PDK3: variants seen among roughly 807,000 people sequenced by gnomAD.
PDK3 encodes pyruvate dehydrogenase kinase, isozyme 3.
A neutral mutation model predicts 32.0 loss-of-function variants in PDK3; 12 were observed. That is an observed-to-expected ratio of 0.37 (90% CI 0.24 to 0.61). The LOEUF (loss-of-function observed/expected upper bound fraction) is 0.61, where lower values mean the gene tolerates loss of function less well. Ranked by LOEUF, PDK3 falls within the 20% of genes least tolerant of loss-of-function variation. PDK3 has a pLI of 0.65. For synonymous variants in PDK3, 122 were observed against 116.3 expected, an observed-to-expected ratio of 1.05 and a Z score of -0.31; for missense variants, 188 against 316.9, an observed-to-expected ratio of 0.59 and a Z score of 3.09.
At chrX:24,503,790 C>T (rs1602114779) in intron 4 of PDK3, among the ~76,000 whole-genome samples, 1 of 112,368 alleles carries the variant, frequency 8.9e-6, no homozygotes, top group Non-Finnish European at 1.9e-5. Context: ...GATGAGGGAC[C>T]GCCTTTAATG....
intron 2 of PDK3, among the ~76,000 whole-genome samples, chrX:24,496,970 C>T (rs902817723): frequency 1.9e-5 from 2 of 106,959 alleles, no homozygotes; most frequent in African/African-American, 3.4e-5. Flanking sequence ...TTAGTAAAGA[C>T]GGGGTTTCAC....
intron 6 of PDK3, among the ~76,000 whole-genome samples, chrX:24,520,166 C>A (rs1216803312): frequency 8.9e-6 from 1 of 111,817 alleles, no homozygotes; most frequent in Non-Finnish European, 1.9e-5. Flanking sequence ...GCACTCCACC[C>A]TGGGCAATAG....
intron 7 of PDK3, 106 bp downstream of exon 7, chrX:24,526,380 C>T: frequency 8.2e-6 from 4 of 484,930 alleles, no homozygotes; most frequent in Non-Finnish European, 1.4e-5. Flanking sequence ...TTTTGCATAA[C>T]CATTTTAAAA....
chrX:24,501,410 A>G (rs1921852949), intron 3 of PDK3, among the ~76,000 whole-genome samples: 1 of 112,940 alleles, frequency 8.9e-6, no homozygotes, highest in Non-Finnish European at 1.9e-5. Flanking sequence ...GCTTTAAAGA[A>G]CAGCTTTTAA....
chrX:24,539,199 G>A, downstream of PDK3: 1 of 1,014,931 alleles, frequency 9.9e-7, no homozygotes, highest in South Asian at 2.1e-5. Context: ...TGTGAAGAAA[G>A]ATTGCCTTCT....
In PDK3 at chrX:24,513,555, G is replaced by C. The variant is rs1602119593; in HGVS notation, c.596-5378G>C. On this transcript the variant is annotated intron_variant, in intron 5 of 10. Coordinates refer to ENST00000379162, the MANE Select transcript of PDK3 (RefSeq NM_005391.5). Reference sequence around the variant, plus strand: ...TATGCTGATAGAGGGCCGTGTCATTGGTTTTGACGAGTCTGTGAACCTCAT... The same window carrying C: ...TATGCTGATAGAGGGCCGTGTCATTCGTTTTGACGAGTCTGTGAACCTCAT... 3 of 132,947 alleles carry C rather than the reference G, an allele frequency of 2.3e-5. No homozygotes were observed. The East Asian group carries it at 5.7e-4, about 25-fold the overall frequency. 11.0% of individuals were successfully genotyped at this position (132,947 alleles called of 1,213,427 possible). A position where few individuals can be genotyped will look rare whatever the true frequency, so the allele number is the denominator to read the frequency against.
intron 1 of PDK3, among the ~76,000 whole-genome samples, chrX:24,492,900 C>T (rs970427393): frequency 2.8e-5 from 3 of 106,300 alleles, no homozygotes; most frequent in African/African-American, 1.0e-4. Context: ...CTTGGGAGGC[C>T]GAGGCAGGAG....
intron 1 of PDK3, among the ~76,000 whole-genome samples, chrX:24,474,106 C>CCGGA (rs1032249877): frequency 9.0e-6 from 1 of 111,432 alleles, no homozygotes; most frequent in Non-Finnish European, 1.9e-5. Context: ...TGCAGACTGA[C>CCGGA]GTCCCATTTG....
exon 12 of PDK3, chrX:24,548,227 A>G (rs779216883): frequency 8.9e-5 from 10 of 112,266 alleles, no homozygotes; most frequent in Non-Finnish European, 1.9e-4. Flanking sequence ...TCTTTTCATG[A>G]TAAATGACAT....
chrX:24,467,618 G>A (rs1368173756), intron 1 of PDK3, among the ~76,000 whole-genome samples: 1 of 112,255 alleles, frequency 8.9e-6, no homozygotes, highest in African/African-American at 3.2e-5. Context: ...ACTAAAAGAC[G>A]GGAGTTGTTG....
Position 24,505,254 on chromosome X carries a change from T to C in PDK3, c.551T>C (p.Ile184Thr). The change falls in exon 5 of 11, where the codon ATA (isoleucine) becomes ACA (threonine). Residue 184 changes from isoleucine (I) to threonine (T), a missense_variant. Physicochemically the swap from Ile to Thr is moderately conservative, Grantham distance 89 (BLOSUM62 -1). Transcript: ENST00000379162. The part of the protein sequence containing the change: ...GDTNPVHPKH[I>T]GSIDPTCNVA... ...ACTAATCCTGTTCATCCTAAACACA[T>C]AGGAAGTATCGATCCCACCTGTAAC... 8.3e-7 allele frequency: 1 copy of C among 1,207,470 alleles called. No individual in the cohort carries two copies. Among genetic ancestry groups the C allele is most frequent in the Non-Finnish European group, 1.1e-6 (1 of 892,170 alleles).
intron 1 of PDK3, among the ~76,000 whole-genome samples, chrX:24,474,797 G>A (rs1432647975): frequency 9.0e-6 from 1 of 111,524 alleles, no homozygotes; most frequent in Non-Finnish European, 1.9e-5. Flanking sequence ...TAGCCCTGCC[G>A]TCTTTTCACA....
chrX:24,469,547 CAG>C (rs926121044), intron 1 of PDK3, among the ~76,000 whole-genome samples: 2 of 108,752 alleles, frequency 1.8e-5, no homozygotes, highest in African/African-American at 6.7e-5. Context: ...GAGGCCAAGA[CAG>C]AGGATGGCTT....
intron 1 of PDK3, among the ~76,000 whole-genome samples, chrX:24,490,557 AACTC>A (rs1921530410): frequency 9.0e-6 from 1 of 111,601 alleles, no homozygotes; most frequent in Non-Finnish European, 1.9e-5. Context: ...TTGCTGCCAC[AACTC>A]ATTTTGTGGC....
chrX:24,465,728 G>A (rs1171108242), intron 1 of PDK3, among the ~76,000 whole-genome samples, 167 bp downstream of exon 1: 2 of 111,567 alleles, frequency 1.8e-5, no homozygotes, highest in African/African-American at 6.5e-5. Flanking sequence ...GAGGGGCAGG[G>A]CCTGGCCCCC....
At position 24,505,272 on chromosome X, in the gene PDK3, C is replaced by T; in HGVS notation, c.569C>T (p.Thr190Ile). The T allele has an allele frequency of 8.3e-7, 1 of 1,201,394 alleles. No homozygotes were observed. The highest frequency in any genetic ancestry group is 1.1e-6 in the Non-Finnish European group (1 of 886,803). The change falls in exon 5 of 11, where the codon ACC (threonine) becomes ATC (isoleucine). Residue 190 changes from threonine to isoleucine, a missense_variant. Physicochemically the swap from Thr to Ile is moderately conservative, Grantham distance 89. Coordinates refer to ENST00000379162, the MANE Select transcript of PDK3 (RefSeq NM_005391.5). ...AAACACATAGGAAGTATCGATCCCA[C>T]CTGTAACGTGGCGGATGTGGTGAAA... ...HPKHIGSIDP[T>I]CNVADVVKDA...
At chrX:24,504,172 C>G (rs1921927164) in intron 4 of PDK3, among the ~76,000 whole-genome samples, 1 of 112,522 alleles carries the variant, frequency 8.9e-6, no homozygotes, top group African/African-American at 3.2e-5. Context: ...ATAATTCACC[C>G]TGTTTGCTGC....
downstream of PDK3, among the ~76,000 whole-genome samples, chrX:24,538,802 A>AT (rs1176550675): frequency 8.1e-5 from 9 of 111,213 alleles, no homozygotes; most frequent in Non-Finnish European, 1.1e-4. Context: ...AAAAGTATAC[A>AT]ATTCCATATT....
At chrX:24,523,690 T>G (rs1922453297) in intron 6 of PDK3, among the ~76,000 whole-genome samples, 1 of 111,994 alleles carries the variant, frequency 8.9e-6, no homozygotes, top group South Asian at 3.7e-4. Flanking sequence ...GAATTAGGGC[T>G]TTTCATGTGA....
Sources: allele counts gnomAD v4.1 joint callset (sites outside exome capture counted in the v4.1 genomes callset), GRCh38; gene constraint gnomAD v4.1.1; transcripts MANE v1.5; gene names NCBI Gene and HGNC (gene_info 2026-07-23, HGNC 2026-07-21).